Variants in PABPC4L observed in about 807,000 individuals in gnomAD.
PABPC4L encodes polyadenylate-binding protein 4-like.
For missense variants in PABPC4L, 452 were observed against 451.4 expected (o/e 1.00, Z -0.01); for synonymous variants, 169 against 164.1 (o/e 1.03, Z -0.23).
the PABPC4L span, among the ~76,000 whole-genome samples, chr4:134,165,200 A>T: frequency 6.6e-6 from 1 of 152,304 alleles, no homozygotes; most frequent in South Asian, 2.1e-4. Context: ...AACCTAGGAT[A>T]AACTCTTTTG....
chr4:134,095,940 T>A, the PABPC4L span, among the ~76,000 whole-genome samples: 1 of 151,978 alleles, frequency 6.6e-6, no homozygotes, highest in Non-Finnish European at 1.5e-5. Context: ...CACTCCCTAC[T>A]CTTTTATTCT....
chr4:134,065,885 A>G, the PABPC4L span, among the ~76,000 whole-genome samples: 2 of 151,412 alleles, frequency 1.3e-5, no homozygotes, highest in Admixed American at 6.6e-5. Context: ...GTCCTTTTCA[A>G]TGTTTTTGTC....
At chr4:133,970,026 AAT>A in the PABPC4L span, among the ~76,000 whole-genome samples, 1 of 148,026 alleles carries the variant, frequency 6.8e-6, no homozygotes, top group Non-Finnish European at 1.5e-5. Flanking sequence ...AAATCAAAGA[AAT>A]ATATATATAT....
the PABPC4L span, among the ~76,000 whole-genome samples, chr4:134,154,611 A>T: frequency 6.6e-6 from 1 of 151,832 alleles, no homozygotes; most frequent in East Asian, 1.9e-4. Flanking sequence ...CCCTTTTAAA[A>T]CTTCACATTT....
chr4:133,978,178 G>A, the PABPC4L span: 15 of 152,188 alleles, frequency 9.9e-5, no homozygotes, highest in African/African-American at 2.9e-4. Flanking sequence ...ACAGGCCATA[G>A]TAAGATGTAT....
chr4:134,025,797 C>T, the PABPC4L span, among the ~76,000 whole-genome samples: 3 of 151,876 alleles, frequency 2.0e-5, no homozygotes, highest in Non-Finnish European at 2.9e-5. Flanking sequence ...TTACATTATG[C>T]TAACTATAAG....
the PABPC4L span, among the ~76,000 whole-genome samples, chr4:134,143,246 T>G: frequency 1.1e-3 from 163 of 150,606 alleles, 1 homozygote; most frequent in Non-Finnish European, 2.0e-3. Flanking sequence ...AAGATATATA[T>G]CTTAATAATA....
the PABPC4L span, among the ~76,000 whole-genome samples, chr4:134,007,024 C>T: frequency 6.6e-6 from 1 of 151,752 alleles, no homozygotes; most frequent in East Asian, 1.9e-4. Flanking sequence ...TAACCAAATG[C>T]TCCAAAATAT....
In PABPC4L at chr4:134,201,042, G is replaced by A; in HGVS notation, c.-23C>T. The A allele has an allele frequency of 6.4e-7, 1 of 1,551,662 alleles. No individual in the cohort carries two copies. Among genetic ancestry groups the A allele is most frequent in the Non-Finnish European group, 8.7e-7 (1 of 1,146,984 alleles). On this transcript the variant is annotated 5_prime_UTR_variant, in exon 2 of 2. Coordinates refer to ENST00000421491, the MANE Select transcript of PABPC4L (RefSeq NM_001114734.2). The stretch of plus-strand genomic sequence containing the variant: ...CATCTCCTTGTCCTTGCCACTGTGA[G>A]TTTGTCCCCTGGAGTTCTTTGAGCA...
chr4:134,067,169 T>G, the PABPC4L span, among the ~76,000 whole-genome samples: 2 of 152,112 alleles, frequency 1.3e-5, no homozygotes, highest in African/African-American at 4.8e-5. Flanking sequence ...TCCTGAACTT[T>G]TGCCGGTTGG....
the PABPC4L span, among the ~76,000 whole-genome samples, chr4:134,164,508 G>T: frequency 6.6e-6 from 1 of 151,940 alleles, no homozygotes; most frequent in Non-Finnish European, 1.5e-5. Flanking sequence ...AATCAAACAA[G>T]AATGCAATCC....
At chr4:134,010,010 G>T in the PABPC4L span, among the ~76,000 whole-genome samples, 3 of 151,984 alleles carry the variant, frequency 2.0e-5, no homozygotes, top group Non-Finnish European at 2.9e-5. Context: ...TATAAAGACA[G>T]TTCTGATAAG....
At chr4:134,020,575 G>C in the PABPC4L span, among the ~76,000 whole-genome samples, 1 of 151,948 alleles carries the variant, frequency 6.6e-6, no homozygotes, top group Non-Finnish European at 1.5e-5. Context: ...TCATTTTCCT[G>C]GCCCTCACTC....
chr4:134,052,648 G>T, the PABPC4L span, among the ~76,000 whole-genome samples: 2 of 151,838 alleles, frequency 1.3e-5, no homozygotes, highest in African/African-American at 4.8e-5. Context: ...CACCAATCCT[G>T]TGTGAAATTG....
At chr4:133,966,486 C>T in the PABPC4L span, among the ~76,000 whole-genome samples, 5 of 152,116 alleles carry the variant, frequency 3.3e-5, no homozygotes, top group East Asian at 1.9e-4. Context: ...AGGCATTACA[C>T]GTAAAAGATA....
the PABPC4L span, among the ~76,000 whole-genome samples, chr4:134,054,252 GTATATATATATATATATATA>G: frequency 1.3e-4 from 12 of 93,784 alleles, no homozygotes; most frequent in Non-Finnish European, 2.0e-4. Context: ...AGTTGTATAT[GTATATATATATATATATATA>G]TATATATATA....
the PABPC4L span, among the ~76,000 whole-genome samples, chr4:134,084,102 G>A: frequency 1.3e-5 from 2 of 152,086 alleles, no homozygotes; most frequent in African/African-American, 4.8e-5. Context: ...AGGCTACAGT[G>A]CAGTAACATT....
the PABPC4L span, among the ~76,000 whole-genome samples, chr4:134,049,602 C>A: frequency 6.6e-6 from 1 of 152,108 alleles, no homozygotes; most frequent in African/African-American, 2.4e-5. Context: ...GGCAATTCAT[C>A]ATGTAACTGT....
the PABPC4L span, among the ~76,000 whole-genome samples, chr4:134,093,724 G>C: frequency 6.6e-6 from 1 of 151,118 alleles, no homozygotes; most frequent in Non-Finnish European, 1.5e-5. Flanking sequence ...TTATTACAAT[G>C]ATTAAATTCA....
Sources: gnomAD v4.1 joint callset for allele counts (sites outside exome capture counted in the v4.1 genomes callset) on GRCh38, gnomAD v4.1.1 for gene constraint, MANE v1.5 for transcripts, NCBI Gene and HGNC (gene_info 2026-07-23, HGNC 2026-07-21) for gene names.